GALNT6: variants seen among roughly 807,000 people sequenced by gnomAD.
The protein encoded by GALNT6 is GalNAc transferase 6.
A neutral mutation model predicts 65.9 loss-of-function variants in GALNT6; 51 were observed. That is an observed-to-expected ratio of 0.77 (90% CI 0.62 to 0.98). The LOEUF is 0.98. Among genes scored for constraint, GALNT6 ranks in the 50% least tolerant of loss-of-function variants. The pLI is 0.00. For missense variants in GALNT6, 708 were observed against 803.3 expected (o/e 0.88, Z 1.43); for synonymous variants, 323 against 315.1 (o/e 1.02, Z -0.26).
rs1947010484 is a variant in GALNT6, at chr12:51,364,058, C to T, written c.1049+63G>A. Reference sequence around the variant, plus strand: ...TAACAAATGTTGATGTGAGATGGCACAGGTTCCTGGAACTGGGTAGGACTG... The same window carrying T: ...TAACAAATGTTGATGTGAGATGGCATAGGTTCCTGGAACTGGGTAGGACTG... On this transcript the variant is annotated intron_variant, in intron 6 of 11. Transcript: ENST00000356317. The T allele has an allele frequency of 1.0e-5, 11 of 1,094,412 alleles. No individual in the cohort carries two copies. The Admixed American group carries it at 1.7e-4, about 17-fold the overall frequency. The allele number at this position is 1,094,412 out of a possible 1,614,324, so 67.8% of individuals were successfully genotyped here. A position where few individuals can be genotyped will look rare whatever the true frequency, so the allele number is the denominator to read the frequency against.
intron 10 of GALNT6, 44 bp from the exon 11 acceptor site, chr12:51,356,002 G>A: frequency 6.3e-7 from 1 of 1,591,870 alleles, no homozygotes; most frequent in African/African-American, 1.3e-5. Context: ...TTCACCCCCA[G>A]CCTTCCAAAG....
intron 3 of GALNT6, among the ~76,000 whole-genome samples, chr12:51,378,488 T>C (rs1311152336): frequency 1.3e-5 from 2 of 152,156 alleles, no homozygotes; most frequent in Admixed American, 6.5e-5. Context: ...GAATTCCTGA[T>C]AGCTTCAAGT....
chr12:51,380,089 A>G (rs1307912113), intron 2 of GALNT6, among the ~76,000 whole-genome samples: 2 of 152,194 alleles, frequency 1.3e-5, no homozygotes, highest in African/African-American at 4.8e-5. Flanking sequence ...CCTAATATGC[A>G]TGGATCTAGA....
At chr12:51,367,444 AC>A (rs1418685235) in intron 4 of GALNT6, among the ~76,000 whole-genome samples, 2 of 152,178 alleles carry the variant, frequency 1.3e-5, no homozygotes, top group Non-Finnish European at 2.9e-5. Flanking sequence ...AAAACAAAAA[AC>A]AAACGAAGAA....
intron 2 of GALNT6, among the ~76,000 whole-genome samples, chr12:51,389,392 G>A (rs952312845): frequency 1.3e-5 from 2 of 152,196 alleles, no homozygotes; most frequent in African/African-American, 2.4e-5. Context: ...AGCACAGGGA[G>A]GTCAAGTAAC....
intron 4 of GALNT6, among the ~76,000 whole-genome samples, chr12:51,376,871 C>A (rs778917666): frequency 2.0e-5 from 3 of 152,094 alleles, no homozygotes; most frequent in African/African-American, 2.4e-5. Flanking sequence ...AGTGGCCCAG[C>A]GGGTAGGAAA....
chr12:51,382,319 A>C, intron 2 of GALNT6: 1 of 152,358 alleles, frequency 6.6e-6, no homozygotes, highest in East Asian at 1.9e-4. Flanking sequence ...TTACCCTGTG[A>C]GAAGCAGAAT....
intron 4 of GALNT6, among the ~76,000 whole-genome samples, chr12:51,370,114 G>A (rs1051214218): frequency 2.0e-5 from 3 of 152,184 alleles, no homozygotes; most frequent in Non-Finnish European, 4.4e-5. Context: ...GCAGAGACTT[G>A]GATATTTGCA....
At chr12:51,371,188 A>G (rs1431678263) in intron 4 of GALNT6, among the ~76,000 whole-genome samples, 1 of 151,704 alleles carries the variant, frequency 6.6e-6, no homozygotes, top group African/African-American at 2.4e-5. Context: ...GGTTCAAGCA[A>G]TTCTTCTGCC....
At chr12:51,358,376 C>T (rs944967358) in intron 8 of GALNT6, 115 bp from the exon 9 acceptor site, 3 of 1,198,734 alleles carry the variant, frequency 2.5e-6, no homozygotes, top group South Asian at 3.0e-5. Context: ...TCTCGGCTCA[C>T]TGCAACCTTC....
rs369129497 is a variant in GALNT6 at position 51,375,301 on chromosome 12, C to T, written c.664+1894G>A. Among the ~76,000 whole-genome samples, 4 of 152,194 alleles carry T rather than the reference C, an allele frequency of 2.6e-5. No homozygotes were observed. The South Asian group carries it at 8.3e-4, about 32-fold the overall frequency. Reference sequence around the variant, plus strand: ...GCCATTCTCTTGTGGGAATGCCCTTCATCCACTCTTCTCTCTTAGACACTC... The same window carrying T: ...GCCATTCTCTTGTGGGAATGCCCTTTATCCACTCTTCTCTCTTAGACACTC... On this transcript the variant is annotated intron_variant, in intron 4 of 11. Transcript: ENST00000356317.
intron 11 of GALNT6, among the ~76,000 whole-genome samples, chr12:51,355,048 G>T (rs1946706598): frequency 6.6e-6 from 1 of 152,204 alleles, no homozygotes; most frequent in Non-Finnish European, 1.5e-5. Flanking sequence ...CCATTTACTA[G>T]TGATGGGTCT....
At chr12:51,354,632 C>G (rs1946693219) in intron 11 of GALNT6, 140 bp from the exon 12 acceptor site, 4 of 601,318 alleles carry the variant, frequency 6.7e-6, no homozygotes, top group Non-Finnish European at 1.2e-5. Flanking sequence ...CATTCCTTTC[C>G]TGCCCTCTCA....
intron 2 of GALNT6, among the ~76,000 whole-genome samples, chr12:51,383,988 CT>C (rs1947752045): frequency 6.6e-6 from 1 of 152,192 alleles, no homozygotes; most frequent in South Asian, 2.1e-4. Flanking sequence ...AGATCCGCCC[CT>C]GGTGTCTTGT....
At chr12:51,369,573 C>T (rs1947224091) in intron 4 of GALNT6, among the ~76,000 whole-genome samples, 1 of 152,242 alleles carries the variant, frequency 6.6e-6, no homozygotes, top group South Asian at 2.1e-4. Context: ...GCACTCAGTT[C>T]CATGATCTGA....
chr12:51,381,338 C>A (rs942041880), intron 2 of GALNT6, among the ~76,000 whole-genome samples: 1 of 152,184 alleles, frequency 6.6e-6, no homozygotes, highest in African/African-American at 2.4e-5. Flanking sequence ...CCCGGCAGGG[C>A]TGGGCATGGG....
In GALNT6 at chr12:51,379,827, G is replaced by A; in HGVS notation, c.-46C>T. 2 of 1,550,642 alleles carry A rather than the reference G, an allele frequency of 1.3e-6. No individual in the cohort carries two copies. Among genetic ancestry groups the A allele is most frequent in the Non-Finnish European group, 1.7e-6 (2 of 1,153,144 alleles). On this transcript the variant is annotated 5_prime_UTR_variant, in exon 3 of 12. An upstream open reading frame in the 5' UTR gains an earlier in-frame stop. Transcript: ENST00000356317. ...CCCAGCTGCGTCAGCTCTGAGTCCT[G>A]AGCCCAACCCTGGAGATAGCTTGAT...
At position 51,379,902 on chromosome 12, in the gene GALNT6, AAG is replaced by A; in HGVS notation, c.-103-20_-103-19del. The stretch of plus-strand genomic sequence containing the variant: ...GCCTCAGCCTGAGAAAGGAGGGGAC[AAG>A]AGAGAGAAGTGAGCCAACACAGGGT... On this transcript the variant is annotated intron_variant, in intron 2 of 11. Transcript: ENST00000356317. The A allele has an allele frequency of 9.6e-7, 1 of 1,043,466 alleles. No individual in the cohort carries two copies. Among genetic ancestry groups the A allele is most frequent in the South Asian group, 1.7e-5 (1 of 59,864 alleles). 64.6% of individuals were successfully genotyped at this position (1,043,466 alleles called of 1,614,324 possible).
intron 3 of GALNT6, among the ~76,000 whole-genome samples, chr12:51,378,891 C>A (rs2042866): frequency 2.0e-5 from 3 of 146,716 alleles, no homozygotes; most frequent in African/African-American, 5.0e-5. Flanking sequence ...CACCCCCCCC[C>A]CAAACAGCTC....
Sources: gnomAD v4.1 joint callset for allele counts (sites outside exome capture counted in the v4.1 genomes callset) on GRCh38, gnomAD v4.1.1 for gene constraint, MANE v1.5 for transcripts, NCBI Gene and HGNC (gene_info 2026-07-23, HGNC 2026-07-21) for gene names.